ADAM28: variants seen among roughly 807,000 people sequenced by gnomAD.
The protein encoded by ADAM28 is disintegrin and metalloproteinase domain-containing protein 28.
Under a neutral mutation model 101.2 loss-of-function variants are expected in ADAM28, and 105 were observed. That is an observed-to-expected ratio of 1.04 (90% confidence interval 0.89 to 1.22). ADAM28 has a LOEUF of 1.22. Ranked by LOEUF, ADAM28 falls within the 50% of genes most tolerant of loss-of-function variation. The pLI, the probability that ADAM28 is intolerant of heterozygous loss-of-function variation, is 0.00. For synonymous variants in ADAM28, 322 were observed against 310.6 expected (o/e 1.04, Z -0.39); for missense variants, 1,028 against 945.4 (o/e 1.09, Z -1.15).
intron 5 of ADAM28, among the ~76,000 whole-genome samples, chr8:24,312,347 T>C (rs1429002602): frequency 6.6e-6 from 1 of 152,086 alleles, no homozygotes; most frequent in Non-Finnish European, 1.5e-5. Context: ...CTTGCCCAAT[T>C]CAGAAACCTA....
intron 15 of ADAM28, 123 bp downstream of exon 15, chr8:24,339,691 C>G (rs1585700788): frequency 1.2e-6 from 1 of 819,224 alleles, no homozygotes; most frequent in Admixed American, 2.4e-5. Context: ...ATTTGACAAA[C>G]ATTTATTGAG....
rs191852835 is a variant in ADAM28, at chr8:24,356,392, C to A, written c.*1988C>A. 6.6e-6 allele frequency: 1 copy of A among 152,218 alleles called. No individual in the cohort carries two copies. The highest frequency in any genetic ancestry group is 1.9e-4 in the East Asian group (1 of 5,184). The allele number at this position is 152,218 out of a possible 1,614,324, so 9.4% of individuals were successfully genotyped here. A position where few individuals can be genotyped will look rare whatever the true frequency, so the allele number is the denominator to read the frequency against. ...CCTCAACTAGCCATGTACCATAACC[C>A]AAGCAAAAACTAAACCATACACTCT... On this transcript the variant is annotated 3_prime_UTR_variant, in exon 23 of 23. Coordinates refer to ENST00000265769, the MANE Select transcript of ADAM28 (RefSeq NM_014265.6).
At position 24,331,162 on chromosome 8, in the gene ADAM28, C is replaced by T; in HGVS notation, c.1116C>T (p.Pro372=). 2 of 1,611,370 alleles carry T rather than the reference C, an allele frequency of 1.2e-6. No homozygotes were observed. The highest frequency in any genetic ancestry group is 2.2e-5 in the East Asian group (1 of 44,826). ...VMDKALSFYI[P]TDFSSCSRLS... is the part of the protein sequence containing the mutation. Reference sequence around the variant, plus strand: ...CTTATCTTCACAGCTTCTATATACCCACAGACTTCAGTTCCTGCAGCCGTC... The same window carrying T: ...CTTATCTTCACAGCTTCTATATACCTACAGACTTCAGTTCCTGCAGCCGTC... The change falls in exon 12 of 23, where the codon CCC becomes CCT. Residue 372 remains proline (P), a synonymous_variant. Transcript: ENST00000265769.
At chr8:24,329,301 A>G (rs1033226295) in intron 10 of ADAM28, among the ~76,000 whole-genome samples, 12 of 152,290 alleles carry the variant, frequency 7.9e-5, no homozygotes, top group African/African-American at 2.6e-4. Flanking sequence ...AGATAAGAGA[A>G]TCAGACTTCT....
At position 24,351,226 on chromosome 8, in the gene ADAM28, T is replaced by C. The variant is rs200363447; in HGVS notation, c.2100-6T>C. ...TCAATTGATATCATGTGTTTCTCTCTTACAGGCCACTATCTACCACTGGCA... is the reference window on the plus strand; with the variant it reads ...TCAATTGATATCATGTGTTTCTCTCCTACAGGCCACTATCTACCACTGGCA... On this transcript the variant is annotated splice_region_variant and splice_polypyrimidine_tract_variant and intron_variant, in intron 19 of 22. Transcript: ENST00000265769. 3.4e-4 allele frequency: 530 copies of C among 1,578,008 alleles called. No homozygotes were observed. The highest frequency in any genetic ancestry group is 1.5e-3 in the South Asian group (128 of 84,822).
At chr8:24,345,658 ATACTTC>A (rs1177024269) in intron 18 of ADAM28, among the ~76,000 whole-genome samples, 2 of 151,998 alleles carry the variant, frequency 1.3e-5, no homozygotes, top group Non-Finnish European at 2.9e-5. Flanking sequence ...CATTTTATGT[ATACTTC>A]TACTTCTATG....
At position 24,299,982 on chromosome 8, in the gene ADAM28, A is replaced by G. The variant is rs764760622; in HGVS notation, c.55A>G (p.Ile19Val). Residue 19 changes from isoleucine (I) to valine (V), a missense_variant, in exon 2 of 23, where the codon ATA (isoleucine) becomes GTA (valine). Coordinates refer to ENST00000265769, the MANE Select transcript of ADAM28 (RefSeq NM_014265.6). ...SLLLSVAVSA[I>V]KELPGVKKYE... ...TTTTTCTTTTTTCTCAGTAAGTGCT[A>G]TAAAAGAACTCCCTGGGGTGAAGAA... The G allele has an allele frequency of 6.0e-5, 96 of 1,611,666 alleles. No individual in the cohort carries two copies. The highest frequency in any genetic ancestry group is 8.0e-5 in the Non-Finnish European group (94 of 1,179,678).
intron 15 of ADAM28, chr8:24,341,387 G>T: frequency 2.2e-6 from 1 of 460,020 alleles, no homozygotes; most frequent in South Asian, 5.1e-5. Flanking sequence ...TAGGTGTACA[G>T]GGATCTAGGT....
chr8:24,337,437 G>A (rs562657502), intron 14 of ADAM28, among the ~76,000 whole-genome samples: 2 of 152,114 alleles, frequency 1.3e-5, no homozygotes, highest in African/African-American at 4.8e-5. Flanking sequence ...TCCTTTGTCC[G>A]ACTTTATGAT....
chr8:24,300,009 T>A lies in ADAM28; in HGVS notation c.82T>A (p.Tyr28Asn), dbSNP rs1159013136. ...AIKELPGVKK[Y>N]EVVYPIRLHP... ...AAAAGAACTCCCTGGGGTGAAGAAGTATGAAGTGGTTTATCCTATAAGACT... is the reference window on the plus strand; with the variant it reads ...AAAAGAACTCCCTGGGGTGAAGAAGAATGAAGTGGTTTATCCTATAAGACT... The change falls in exon 2 of 23, where the codon TAT (tyrosine) becomes AAT (asparagine). Residue 28 changes from tyrosine to asparagine, a missense_variant. Physicochemically the swap from Tyr to Asn is moderately radical, Grantham distance 143 (BLOSUM62 -2). Transcript: ENST00000265769. 1 of 1,613,554 alleles carries A rather than the reference T, an allele frequency of 6.2e-7. No homozygotes were observed. The highest frequency in any genetic ancestry group is 2.2e-5 in the East Asian group (1 of 44,842).
At chr8:24,343,645 G>T in intron 18 of ADAM28, 61 bp downstream of exon 18, 1 of 1,461,000 alleles carries the variant, frequency 6.8e-7, no homozygotes, top group Non-Finnish European at 9.6e-7. Flanking sequence ...CCTTTATTTT[G>T]TATTATATGA....
chr8:24,308,415 ATT>A (rs1452057398), intron 2 of ADAM28, among the ~76,000 whole-genome samples: 1 of 152,134 alleles, frequency 6.6e-6, no homozygotes, highest in Non-Finnish European at 1.5e-5. Flanking sequence ...CTCCAAAAGC[ATT>A]TATTCTTTTC....
intron 2 of ADAM28, among the ~76,000 whole-genome samples, chr8:24,306,389 A>ATATATATATATAT (rs1809688463): frequency 1.7e-5 from 2 of 117,414 alleles, no homozygotes; most frequent in Non-Finnish European, 3.6e-5. Context: ...TATATATTTA[A>ATATATATATATAT]AAATATATAT....
At chr8:24,311,526 AT>A in intron 5 of ADAM28, 89 bp downstream of exon 5, 2 of 992,294 alleles carry the variant, frequency 2.0e-6, no homozygotes, top group East Asian at 2.7e-5. Flanking sequence ...AATATCATTA[AT>A]TTTTATATAG....
rs267601861 is a variant in ADAM28, at chr8:24,321,250, C to T, written c.681C>T (p.Ile227=). The part of the protein sequence containing the change: ...FKRYNENQDE[I]RKRVFEMANY... Reference sequence around the variant, plus strand: ...GGTACAATGAGAATCAAGATGAGATCAGAAAGAGGGTATTTGAGATGGCTA... The same window carrying T: ...GGTACAATGAGAATCAAGATGAGATTAGAAAGAGGGTATTTGAGATGGCTA... Residue 227 remains isoleucine (I), a synonymous_variant, in exon 8 of 23, where the codon ATC becomes ATT. Coordinates refer to ENST00000265769, the MANE Select transcript of ADAM28 (RefSeq NM_014265.6). 2 of 1,607,250 alleles carry T rather than the reference C, an allele frequency of 1.2e-6. No individual in the cohort carries two copies. The highest frequency in any genetic ancestry group is 1.1e-5 in the South Asian group (1 of 90,942).
chr8:24,302,531 G>A (rs1206541694), intron 2 of ADAM28, among the ~76,000 whole-genome samples: 3 of 152,188 alleles, frequency 2.0e-5, no homozygotes, highest in Admixed American at 6.5e-5. Context: ...CTTCCACAAC[G>A]GTTGAACTAA....
In ADAM28 at chr8:24,340,438, T is replaced by C. The variant is rs28510710; in HGVS notation, c.1670+870T>C. On this transcript the variant is annotated intron_variant, in intron 15 of 22. Coordinates refer to ENST00000265769, the MANE Select transcript of ADAM28 (RefSeq NM_014265.6). ...ACCAGGGCAGATTCAAAAGAGGAAA[T>C]TATGTAAAAGGCAGTATGTGAGGGC... 5.0e-3 allele frequency among the ~76,000 whole-genome samples: 758 copies of C among 152,230 alleles called. 9 individuals are homozygous for C. Among genetic ancestry groups the C allele is most frequent in the African/African-American group, 0.017 (708 of 41,540 alleles).
intron 21 of ADAM28, 34 bp downstream of exon 21, chr8:24,352,086 G>GTTCAATCT: frequency 6.3e-7 from 1 of 1,584,568 alleles, no homozygotes; most frequent in Non-Finnish European, 8.7e-7. Flanking sequence ...TACCACCCTA[G>GTTCAATCT]TTCAATCTCC....
At chr8:24,306,093 T>G (rs1306789912) in intron 2 of ADAM28, among the ~76,000 whole-genome samples, 1 of 151,852 alleles carries the variant, frequency 6.6e-6, no homozygotes, top group Non-Finnish European at 1.5e-5. Flanking sequence ...CCCACACCAC[T>G]TTGGGAGGCC....
Sources: gnomAD v4.1 joint callset for allele counts (sites outside exome capture counted in the v4.1 genomes callset) on GRCh38, gnomAD v4.1.1 for gene constraint, MANE v1.5 for transcripts, NCBI Gene and HGNC (gene_info 2026-07-23, HGNC 2026-07-21) for gene names.